USH2A: variants seen among roughly 807,000 people sequenced by gnomAD.
The protein encoded by USH2A is Usher syndrome 2A (autosomal recessive, mild).
A neutral mutation model predicts 538.9 loss-of-function variants in USH2A; 443 were observed. The observed-to-expected ratio is 0.82, with a 90% CI of 0.76 to 0.89. The LOEUF (loss-of-function observed/expected upper bound fraction) is 0.89. Among genes scored for constraint, USH2A ranks in the 40% least tolerant of loss-of-function variants. The probability of loss-of-function intolerance (pLI) is 0.00; values close to 1 mark genes in which losing one functional copy is unlikely to be tolerated. For missense variants in USH2A, 6,633 were observed against 6,324.8 expected (o/e 1.05, Z -1.65); for synonymous variants, 2,413 against 2,273.5 (o/e 1.06, Z -1.75).
chr1:216,294,050 AT>A (rs1228006640), intron 9 of USH2A, among the ~76,000 whole-genome samples: 2 of 152,222 alleles, frequency 1.3e-5, no homozygotes, highest in East Asian at 3.8e-4. Context: ...GTAAGACAAA[AT>A]TTACTCAAAT....
At chr1:215,799,989 A>G (rs1662275358) in intron 49 of USH2A, among the ~76,000 whole-genome samples, 1 of 152,032 alleles carries the variant, frequency 6.6e-6, no homozygotes, top group African/African-American at 2.4e-5. Context: ...AAAAACAAAA[A>G]CAAACAAACA....
At chr1:216,115,539 A>G (rs970218812) in intron 21 of USH2A, among the ~76,000 whole-genome samples, 1 of 152,220 alleles carries the variant, frequency 6.6e-6, no homozygotes, top group South Asian at 2.1e-4. Context: ...AAATCAGTGT[A>G]TTATTAAAAA....
At chr1:215,908,758 C>T (rs1297675022) in intron 38 of USH2A, among the ~76,000 whole-genome samples, 1 of 151,688 alleles carries the variant, frequency 6.6e-6, no homozygotes, top group Non-Finnish European at 1.5e-5. Context: ...GTGGAACATT[C>T]ACTTAACAAA....
intron 34 of USH2A, among the ~76,000 whole-genome samples, chr1:215,998,279 A>G (rs1041295589): frequency 5.3e-5 from 8 of 152,116 alleles, no homozygotes; most frequent in African/African-American, 1.7e-4. Context: ...TATAAATTCC[A>G]CAGTAATATC....
chr1:216,113,399 CAT>C (rs1310143632), intron 21 of USH2A, among the ~76,000 whole-genome samples: 2 of 152,054 alleles, frequency 1.3e-5, no homozygotes, highest in Non-Finnish European at 2.9e-5. Context: ...ATTTCCTTTC[CAT>C]ATGTTATAAA....
In USH2A at chr1:215,650,746, G is replaced by C; in HGVS notation, c.14189C>G (p.Thr4730Ser). 6.2e-7 allele frequency: 1 copy of C among 1,613,480 alleles called. No homozygotes were observed. Among genetic ancestry groups the C allele is most frequent in the Non-Finnish European group, 8.5e-7 (1 of 1,179,960 alleles). ...KAPSSWTWCRTGPAPPEGLRA... is the reference protein window; with the variant it reads ...KAPSSWTWCRSGPAPPEGLRA... ...GAGACCTTCTGGTGGGGCTGGCCCG[G>C]TTCTGCACCATGTCCAGCTACTGGG... Residue 4730 changes from threonine (T) to serine (S), a missense_variant, in exon 65 of 72, where the codon ACC (threonine) becomes AGC (serine). Physicochemically the swap from Thr to Ser is moderately conservative, Grantham distance 58 (BLOSUM62 1). Coordinates refer to ENST00000307340, the MANE Select transcript of USH2A (RefSeq NM_206933.4).
chr1:216,144,422 A>G (rs2033655655), intron 21 of USH2A, among the ~76,000 whole-genome samples: 1 of 152,138 alleles, frequency 6.6e-6, no homozygotes. Context: ...CAAGTTAAAC[A>G]AAACACATTT....
chr1:215,888,697 T>C lies in USH2A; in HGVS notation c.7952A>G (p.Asn2651Ser), dbSNP rs745559540. The change falls in exon 41 of 72, where the codon AAT becomes AGT. Residue 2651 changes from asparagine to serine, a missense_variant. Physicochemically the swap from Asn to Ser is conservative, Grantham distance 46. Transcript: ENST00000307340. ...AATTGTGAAATTCTCCACCAAGCCA[T>C]TGGGGTGGGTAGGGGGTTGCCAAGA... ...IISWQPPTHP[N>S]GLVENFTIER... 17 of 1,613,982 alleles carry C rather than the reference T, an allele frequency of 1.1e-5. No individual in the cohort carries two copies. Among genetic ancestry groups the C allele is most frequent in the East Asian group, 4.5e-5 (2 of 44,886 alleles).
chr1:215,770,102 C>A (rs1358036289), intron 55 of USH2A, among the ~76,000 whole-genome samples: 2 of 152,130 alleles, frequency 1.3e-5, no homozygotes, highest in Non-Finnish European at 2.9e-5. Context: ...CTTTTTATAA[C>A]AAAACTCACA....
chr1:216,355,306 A>AG (rs1558051717), intron 4 of USH2A, among the ~76,000 whole-genome samples: 29 of 136,768 alleles, frequency 2.1e-4, no homozygotes, highest in East Asian at 2.0e-3. Context: ...ACTCTGCTTC[A>AG]AAAAGAAAGA....
At chr1:215,748,355 C>T (rs1660540433) in intron 58 of USH2A, among the ~76,000 whole-genome samples, 1 of 152,134 alleles carries the variant, frequency 6.6e-6, no homozygotes, top group Non-Finnish European at 1.5e-5. Flanking sequence ...AATATAACAG[C>T]ATTATCACTC....
intron 23 of USH2A, among the ~76,000 whole-genome samples, chr1:216,088,353 G>A (rs2032198812): frequency 6.6e-6 from 1 of 151,898 alleles, no homozygotes; most frequent in Non-Finnish European, 1.5e-5. Flanking sequence ...GTATTTTGCT[G>A]CCCCATTCCT....
intron 20 of USH2A, among the ~76,000 whole-genome samples, chr1:216,182,396 A>G (rs79258950): frequency 0.051 from 7,727 of 152,124 alleles, 263 homozygotes; most frequent in Non-Finnish European, 0.074. Flanking sequence ...TGATTTCTAC[A>G]TGCCATTTTC....
At chr1:215,880,824 T>A (rs1664886037) in intron 41 of USH2A, among the ~76,000 whole-genome samples, 1 of 152,260 alleles carries the variant, frequency 6.6e-6, no homozygotes, top group Admixed American at 6.5e-5. Flanking sequence ...TAATACTTAG[T>A]CCTTGCCCAT....
intron 35 of USH2A, among the ~76,000 whole-genome samples, chr1:215,976,950 C>A (rs1386998547): frequency 6.7e-6 from 1 of 149,740 alleles, no homozygotes; most frequent in African/African-American, 2.5e-5. Flanking sequence ...CCTTGTACAT[C>A]TGGTGGAATT....
chr1:215,900,681 T>C (rs1665470001), intron 39 of USH2A, 74 bp downstream of exon 39: 2 of 1,600,396 alleles, frequency 1.2e-6, no homozygotes, highest in Non-Finnish European at 1.7e-6. Flanking sequence ...AAATGAGAAC[T>C]GACCTACTCT....
chr1:215,768,848 G>C (rs114097948), intron 55 of USH2A, among the ~76,000 whole-genome samples: 1,968 of 152,284 alleles, frequency 0.013, 44 homozygotes, highest in African/African-American at 0.045. Flanking sequence ...AGCCCTTTGA[G>C]AGTAGAAATG....
At position 216,257,162 on chromosome 1, in the gene USH2A, T is replaced by C. The variant is rs183970470; in HGVS notation, c.1972-6064A>G. On this transcript the variant is annotated intron_variant, in intron 11 of 71. Transcript: ENST00000307340. ...TGTGCAGATCCATATTTCCATATGATACCATTTTATTTCCTACTGAAGGAC... is the reference window on the plus strand; with the variant it reads ...TGTGCAGATCCATATTTCCATATGACACCATTTTATTTCCTACTGAAGGAC... Among the ~76,000 whole-genome samples, 294 of 152,160 alleles carry C rather than the reference T, an allele frequency of 1.9e-3. 3 individuals are homozygous for C. The highest frequency in any genetic ancestry group is 6.5e-3 in the African/African-American group (272 of 41,570).
chr1:216,118,961 G>A (rs1353773850), intron 21 of USH2A, among the ~76,000 whole-genome samples: 1 of 152,204 alleles, frequency 6.6e-6, no homozygotes, highest in East Asian at 1.9e-4. Context: ...CTCTGTTATG[G>A]CAGCACTAGG....
Sources: allele counts gnomAD v4.1 joint callset (sites outside exome capture counted in the v4.1 genomes callset), GRCh38; gene constraint gnomAD v4.1.1; transcripts MANE v1.5; gene names NCBI Gene and HGNC (gene_info 2026-07-23, HGNC 2026-07-21).